Variants in AFG2B observed in about 807,000 individuals in gnomAD.
AFG2B encodes the protein AAA ATPase AFG2B.
At chr15:45,411,848 G>A in the AFG2B span, among the ~76,000 whole-genome samples, 1 of 152,162 alleles carries the variant, frequency 6.6e-6, no homozygotes, top group Non-Finnish European at 1.5e-5. Flanking sequence ...TGTAATCCCA[G>A]CACTTTGGGA....
At chr15:45,405,537 T>TG in the AFG2B span, 2 of 1,594,624 alleles carry the variant, frequency 1.3e-6, no homozygotes, top group Non-Finnish European at 1.7e-6. Context: ...ACATCTATGT[T>TG]AATCTATTAT....
the AFG2B span, chr15:45,403,229 C>A: frequency 6.6e-7 from 1 of 1,524,448 alleles, no homozygotes; most frequent in Non-Finnish European, 8.7e-7. Context: ...GCAGTCAGCG[C>A]CCCGGCGCTG....
the AFG2B span, chr15:45,416,049 A>G: frequency 3.4e-6 from 1 of 295,956 alleles, no homozygotes; most frequent in Admixed American, 4.8e-5. Context: ...AGAATGAGAA[A>G]TATAATTTTA....
the AFG2B span, chr15:45,418,615 C>A: frequency 2.2e-5 from 35 of 1,614,030 alleles, no homozygotes; most frequent in South Asian, 3.8e-4. Context: ...CCTGATGTCT[C>A]CTTAGAAAAC....
chr15:45,409,500 T>C, the AFG2B span, among the ~76,000 whole-genome samples: 19 of 152,036 alleles, frequency 1.2e-4, no homozygotes, highest in African/African-American at 4.6e-4. Context: ...GTAATAGCTG[T>C]CAAAATTGTA....
the AFG2B span, chr15:45,414,907 T>C: frequency 1.0e-5 from 8 of 786,946 alleles, no homozygotes; most frequent in South Asian, 1.5e-4. Context: ...TATTGAAAAA[T>C]TTAGAAAATA....
At chr15:45,407,546 CT>C in the AFG2B span, among the ~76,000 whole-genome samples, 2 of 151,688 alleles carry the variant, frequency 1.3e-5, no homozygotes, top group Non-Finnish European at 2.9e-5. Context: ...GTTAAAAAGG[CT>C]TTTTTTTAAG....
chr15:45,406,828 A>T, the AFG2B span, among the ~76,000 whole-genome samples: 5 of 152,246 alleles, frequency 3.3e-5, no homozygotes, highest in African/African-American at 1.2e-4. Context: ...TTATTTCTAC[A>T]GTTACACCGA....
chr15:45,402,578 C>G, the AFG2B span: 6 of 1,572,786 alleles, frequency 3.8e-6, no homozygotes, highest in Non-Finnish European at 5.2e-6. Context: ...GTGAAGATCT[C>G]GCTACCCGAC....
the AFG2B span, among the ~76,000 whole-genome samples, chr15:45,419,115 CATT>C: frequency 2.0e-5 from 3 of 152,132 alleles, no homozygotes; most frequent in Non-Finnish European, 4.4e-5. Flanking sequence ...GATGGTGTGA[CATT>C]ATTGAATCTT....
chr15:45,418,388 G>A, the AFG2B span, among the ~76,000 whole-genome samples: 2 of 148,562 alleles, frequency 1.3e-5, no homozygotes, highest in Admixed American at 6.7e-5. Context: ...TTATGATGTC[G>A]TTATTTTTAC....
the AFG2B span, chr15:45,418,433 C>A: frequency 1.2e-5 from 10 of 815,354 alleles, no homozygotes; most frequent in Admixed American, 1.1e-4. Flanking sequence ...CTTAGTCTTT[C>A]TAACCCCTAT....
chr15:45,415,015 A>G, the AFG2B span, among the ~76,000 whole-genome samples: 1 of 152,146 alleles, frequency 6.6e-6, no homozygotes, highest in Non-Finnish European at 1.5e-5. Context: ...AAATAAAATC[A>G]AAGGTAGGTT....
chr15:45,416,428 T>C, the AFG2B span, among the ~76,000 whole-genome samples: 1 of 152,254 alleles, frequency 6.6e-6, no homozygotes, highest in African/African-American at 2.4e-5. Flanking sequence ...CAGATGAGTT[T>C]GGTATCCTTA....
chr15:45,403,037 G>A, the AFG2B span: 3 of 1,570,388 alleles, frequency 1.9e-6, no homozygotes, highest in Admixed American at 5.4e-5. Context: ...GTGCCCCTGG[G>A]AGGTCTTTCG....
the AFG2B span, among the ~76,000 whole-genome samples, chr15:45,416,557 G>A: frequency 6.6e-6 from 1 of 152,144 alleles, no homozygotes; most frequent in Non-Finnish European, 1.5e-5. Flanking sequence ...CTAGAATTAG[G>A]AGGTATCCAC....
At chr15:45,402,499 C>T in the AFG2B span, 3 of 1,609,262 alleles carry the variant, frequency 1.9e-6, no homozygotes, top group Non-Finnish European at 2.5e-6. Flanking sequence ...CGCTAGAGAC[C>T]GGGGCACCCA....
the AFG2B span, chr15:45,417,028 A>G: frequency 2.7e-6 from 1 of 369,120 alleles, no homozygotes; most frequent in African/African-American, 2.0e-5. Flanking sequence ...ATAGGTTCTC[A>G]TATGGAGAAT....
At chr15:45,419,387 G>A in the AFG2B span, among the ~76,000 whole-genome samples, 37 of 151,948 alleles carry the variant, frequency 2.4e-4, no homozygotes, top group Non-Finnish European at 4.7e-4. Context: ...GCTTGAGCCT[G>A]GGAAGCGAAG....
Sources: allele counts gnomAD v4.1 joint callset (sites outside exome capture counted in the v4.1 genomes callset), GRCh38; gene constraint gnomAD v4.1.1; transcripts MANE v1.5; gene names NCBI Gene and HGNC (gene_info 2026-07-23, HGNC 2026-07-21).